The following FBXL17 variants were observed in gnomAD, a reference collection of about 807,000 sequenced individuals.
FBXL17 encodes F-box and leucine rich repeat protein 17, also known as F-box/LRR-repeat protein 17.
Under a neutral mutation model 66.2 loss-of-function variants are expected in FBXL17, and 22 were observed. The ratio of observed to expected loss-of-function variants is 0.33; its 90% CI spans 0.24 to 0.47. The LOEUF (loss-of-function observed/expected upper bound fraction) is 0.47, where lower values mean the gene tolerates loss of function less well. Among genes scored for constraint, FBXL17 ranks in the 20% least tolerant of loss-of-function variants. FBXL17 has a pLI of 1.00. For synonymous variants in FBXL17, 474 were observed against 400.5 expected (o/e 1.18, Z -2.19); for missense variants, 878 against 948.2 (o/e 0.93, Z 0.97).
intron 6 of FBXL17, among the ~76,000 whole-genome samples, chr5:108,055,560 G>GAT (rs994448437): frequency 8.0e-6 from 1 of 124,246 alleles, no homozygotes; most frequent in African/African-American, 3.0e-5. Flanking sequence ...AGTGAGCCAA[G>GAT]ATTGTGCCAC....
chr5:107,944,316 C>T (rs560037614), intron 7 of FBXL17, among the ~76,000 whole-genome samples: 1 of 152,092 alleles, frequency 6.6e-6, no homozygotes, highest in South Asian at 2.1e-4. Context: ...GGTTTTATGC[C>T]CTTATTTATA....
At chr5:108,150,841 G>T (rs1751745836) in intron 6 of FBXL17, among the ~76,000 whole-genome samples, 1 of 152,100 alleles carries the variant, frequency 6.6e-6, no homozygotes, top group African/African-American at 2.4e-5. Context: ...GCTATCTGCT[G>T]GATTTCTCTA....
intron 8 of FBXL17, among the ~76,000 whole-genome samples, chr5:107,866,083 T>G (rs1748262595): frequency 1.4e-5 from 1 of 70,994 alleles, no homozygotes; most frequent in South Asian, 7.4e-4. Flanking sequence ...ACATTAAAGA[T>G]GAAGTTTTTT....
intron 6 of FBXL17, among the ~76,000 whole-genome samples, chr5:108,152,974 T>C (rs1364055168): frequency 2.0e-5 from 3 of 152,156 alleles, no homozygotes; most frequent in African/African-American, 4.8e-5. Flanking sequence ...GGGCAAGTCT[T>C]TCCCATGCTG....
intron 6 of FBXL17, among the ~76,000 whole-genome samples, chr5:108,135,938 T>A (rs1268012332): frequency 6.6e-6 from 1 of 152,092 alleles, no homozygotes; most frequent in African/African-American, 2.4e-5. Context: ...CGTCAAGGCC[T>A]CCAACATAGT....
chr5:108,043,593 T>C (rs1747132832), intron 6 of FBXL17, among the ~76,000 whole-genome samples: 1 of 152,216 alleles, frequency 6.6e-6, no homozygotes, highest in Non-Finnish European at 1.5e-5. Context: ...GTATGTCTAG[T>C]GCTCCACAAA....
At chr5:108,025,810 A>G (rs1389716990) in intron 6 of FBXL17, among the ~76,000 whole-genome samples, 1 of 152,102 alleles carries the variant, frequency 6.6e-6, no homozygotes, top group Non-Finnish European at 1.5e-5. Flanking sequence ...GAGTAACGAG[A>G]GCAAACAGTC....
intron 1 of FBXL17, among the ~76,000 whole-genome samples, chr5:108,375,612 G>C (rs554188212): frequency 3.3e-5 from 5 of 152,020 alleles, no homozygotes; most frequent in African/African-American, 7.2e-5. Flanking sequence ...TGTACAGCAC[G>C]TAAAAAGATG....
At chr5:107,909,193 T>G (rs930604942) in intron 7 of FBXL17, among the ~76,000 whole-genome samples, 2 of 152,172 alleles carry the variant, frequency 1.3e-5, no homozygotes, top group South Asian at 4.1e-4. Context: ...AGTCAGACCG[T>G]TTTGAAGGCT....
chr5:108,059,206 T>C (rs1306951604), intron 6 of FBXL17, among the ~76,000 whole-genome samples: 1 of 152,180 alleles, frequency 6.6e-6, no homozygotes, highest in African/African-American at 2.4e-5. Flanking sequence ...TGTGCAACAA[T>C]TACCACAGAG....
intron 7 of FBXL17, among the ~76,000 whole-genome samples, chr5:107,969,602 T>C (rs1212742869): frequency 1.3e-5 from 2 of 152,192 alleles, no homozygotes; most frequent in East Asian, 1.9e-4. Flanking sequence ...GGTCAAAGTT[T>C]GTGTTCTTCT....
At chr5:107,906,222 T>C (rs1047157887) in intron 7 of FBXL17, among the ~76,000 whole-genome samples, 1 of 152,104 alleles carries the variant, frequency 6.6e-6, no homozygotes, top group Non-Finnish European at 1.5e-5. Context: ...AACATCATAG[T>C]GATTCAAGAT....
intron 7 of FBXL17, among the ~76,000 whole-genome samples, chr5:107,965,182 T>C (rs1752074453): frequency 6.6e-6 from 1 of 152,160 alleles, no homozygotes; most frequent in Non-Finnish European, 1.5e-5. Context: ...TGTGGGTATT[T>C]TCATTGATGT....
At chr5:108,353,702 G>C (rs1561547908) in intron 3 of FBXL17, among the ~76,000 whole-genome samples, 2 of 152,208 alleles carry the variant, frequency 1.3e-5, no homozygotes, top group South Asian at 2.1e-4. Context: ...TTCCATGTAA[G>C]GAAAGGGATA....
intron 7 of FBXL17, among the ~76,000 whole-genome samples, chr5:107,938,376 A>T (rs895765427): frequency 2.6e-5 from 4 of 152,066 alleles, no homozygotes; most frequent in Non-Finnish European, 4.4e-5. Context: ...AGAAAAAACT[A>T]TGTGGGAAAA....
At chr5:108,257,876 G>A (rs892443711) in intron 4 of FBXL17, among the ~76,000 whole-genome samples, 11 of 152,032 alleles carry the variant, frequency 7.2e-5, no homozygotes, top group African/African-American at 2.7e-4. Context: ...ATCCTATGAC[G>A]TTGTGTATGC....
At chr5:107,972,753 C>T (rs979492691) in intron 7 of FBXL17, among the ~76,000 whole-genome samples, 1 of 152,184 alleles carries the variant, frequency 6.6e-6, no homozygotes, top group African/African-American at 2.4e-5. Flanking sequence ...CCCATATGAT[C>T]TATTTTACAT....
chr5:108,155,530 T>A (rs1162541333), intron 6 of FBXL17, among the ~76,000 whole-genome samples: 2 of 151,706 alleles, frequency 1.3e-5, no homozygotes, highest in South Asian at 2.1e-4. Flanking sequence ...AAAAGAAAAA[T>A]TTTAGTTGTG....
chr5:107,867,260 C>T (rs947313932), intron 8 of FBXL17, among the ~76,000 whole-genome samples: 2 of 152,178 alleles, frequency 1.3e-5, no homozygotes, highest in East Asian at 3.9e-4. Context: ...GATACATCTT[C>T]CCTAGAGTTT....
Sources: allele counts gnomAD v4.1 joint callset (sites outside exome capture counted in the v4.1 genomes callset), GRCh38; gene constraint gnomAD v4.1.1; transcripts MANE v1.5; gene names NCBI Gene and HGNC (gene_info 2026-07-23, HGNC 2026-07-21).